GABPA: variants seen among roughly 807,000 people sequenced by gnomAD.
GABPA encodes the protein GA binding protein transcription factor subunit alpha.
GABPA carries 4 observed loss-of-function variants against 59.4 expected under a neutral mutation model. The ratio of observed to expected loss-of-function variants is 0.07; its 90% confidence interval spans 0.03 to 0.15. The LOEUF (loss-of-function observed/expected upper bound fraction) is 0.15. Among genes scored for constraint, GABPA ranks in the 10% least tolerant of loss-of-function variants. The pLI, the probability that GABPA is intolerant of heterozygous loss-of-function variation, is 1.00. For missense variants in GABPA, 251 were observed against 543.8 expected (o/e 0.46, Z 5.36); for synonymous variants, 164 against 183.1 (o/e 0.90, Z 0.84).
chr21:25,764,076 G>A (rs2035831195), intron 7 of GABPA, 134 bp from the exon 8 acceptor site: 2 of 648,708 alleles, frequency 3.1e-6, no homozygotes, highest in Middle Eastern at 4.4e-4. Context: ...TGTGGATTGA[G>A]GCTTTCTGTA....
At chr21:25,738,473 G>A (rs2035137649) in intron 1 of GABPA, among the ~76,000 whole-genome samples, 1 of 152,080 alleles carries the variant, frequency 6.6e-6, no homozygotes, top group Non-Finnish European at 1.5e-5. Flanking sequence ...TCTGTAGCCT[G>A]TCTGTTGAAC....
intron 5 of GABPA, 137 bp from the exon 6 acceptor site, chr21:25,757,869 TTTTG>T: frequency 1.8e-5 from 7 of 388,762 alleles, no homozygotes; most frequent in East Asian, 3.7e-5. Context: ...TTTTTTTTTT[TTTTG>T]CTTCATATAG....
At chr21:25,746,853 G>A (rs2082657701) in intron 3 of GABPA, among the ~76,000 whole-genome samples, 1 of 152,170 alleles carries the variant, frequency 6.6e-6, no homozygotes, top group South Asian at 2.1e-4. Context: ...ATATATGCAT[G>A]AAGATGTTCA....
At chr21:25,767,375 AAAG>A (rs560950555) in intron 9 of GABPA, among the ~76,000 whole-genome samples, 15 of 152,028 alleles carry the variant, frequency 9.9e-5, no homozygotes, top group Non-Finnish European at 1.9e-4. Context: ...GTTTAAAAAA[AAAG>A]AGGGAAGAAA....
At position 25,734,989 on chromosome 21, in the gene GABPA, C is replaced by G. The variant is rs889638263; in HGVS notation, c.-616C>G. 3.2e-6 allele frequency: 5 copies of G among 1,553,104 alleles called. No homozygotes were observed. The South Asian group carries it at 3.5e-5, about 11-fold the overall frequency. ...GCCGTTTCAGTCGGTCGACGCTCAC[C>G]GGACAGGAAGCGTCTCGGAGACAGT... On this transcript the variant is annotated 5_prime_UTR_variant, in exon 1 of 10. Transcript: ENST00000400075.
intron 3 of GABPA, 71 bp from the exon 4 acceptor site, chr21:25,748,965 C>T (rs2059229429): frequency 1.1e-6 from 1 of 929,270 alleles, no homozygotes; most frequent in African/African-American, 1.6e-5. Flanking sequence ...TCCATTTATT[C>T]TAAACCAAAG....
chr21:25,743,600 T>A (rs2035281704), intron 2 of GABPA, among the ~76,000 whole-genome samples: 2 of 150,466 alleles, frequency 1.3e-5, no homozygotes, highest in East Asian at 3.9e-4. Flanking sequence ...TTTTTTTTTT[T>A]AAGAGAAATT....
Position 25,770,454 on chromosome 21 carries a change from G to A in GABPA, c.*1222G>A, listed in dbSNP as rs773723159. ...CATATATGACATTCCTTACATAAGC[G>A]AACACTAAACAAAAATGGCTAGAAA... On this transcript the variant is annotated 3_prime_UTR_variant, in exon 10 of 10. Coordinates refer to ENST00000400075, the MANE Select transcript of GABPA (RefSeq NM_002040.4). 13 of 152,044 alleles carry A rather than the reference G, an allele frequency of 8.6e-5. No individual in the cohort carries two copies. The highest frequency in any genetic ancestry group is 1.9e-4 in the Non-Finnish European group (13 of 67,906). The allele number at this position is 152,044 out of a possible 1,614,324, so 9.4% of individuals were successfully genotyped here.
chr21:25,748,457 A>G (rs1002718548), intron 3 of GABPA, among the ~76,000 whole-genome samples: 1 of 152,230 alleles, frequency 6.6e-6, no homozygotes, highest in Admixed American at 6.5e-5. Context: ...AATGCATTCT[A>G]TAAGGATATA....
intron 3 of GABPA, among the ~76,000 whole-genome samples, chr21:25,746,855 A>G (rs7279566): frequency 0.082 from 12,470 of 152,238 alleles, 587 homozygotes; most frequent in Middle Eastern, 0.15. Context: ...ATATGCATGA[A>G]GATGTTCATG....
intron 3 of GABPA, among the ~76,000 whole-genome samples, chr21:25,747,578 C>A (rs1207876592): frequency 6.6e-6 from 1 of 152,174 alleles, no homozygotes; most frequent in Non-Finnish European, 1.5e-5. Context: ...ACATTTCAGT[C>A]AGAAGTCTTG....
intron 5 of GABPA, among the ~76,000 whole-genome samples, chr21:25,756,229 T>G (rs1437041613): frequency 1.3e-5 from 2 of 152,206 alleles, no homozygotes; most frequent in East Asian, 1.9e-4. Flanking sequence ...AAATTAACTT[T>G]GTTTTTCTTT....
In GABPA at chr21:25,735,048, C is replaced by T. The variant is rs538727472; in HGVS notation, c.-557C>T. The T allele has an allele frequency of 8.6e-5, 115 of 1,329,690 alleles. No homozygotes were observed. In the African/African-American group the frequency reaches 1.3e-3, roughly 15 times the overall value. 82.4% of individuals were successfully genotyped at this position (1,329,690 alleles called of 1,614,324 possible). A position where few individuals can be genotyped will look rare whatever the true frequency, so the allele number is the denominator to read the frequency against. ...GGACGGGTCTAGGTGAGACAGAAGCCAAACAGGAGGAGGAAGTGGAGGGTA... is the reference window on the plus strand; with the variant it reads ...GGACGGGTCTAGGTGAGACAGAAGCTAAACAGGAGGAGGAAGTGGAGGGTA... On this transcript the variant is annotated 5_prime_UTR_variant, in exon 1 of 10. Coordinates refer to ENST00000400075, the MANE Select transcript of GABPA (RefSeq NM_002040.4).
At position 25,769,179 on chromosome 21, in the gene GABPA, G is replaced by C; in HGVS notation, c.1312G>C (p.Val438Leu). 1 of 1,610,612 alleles carries C rather than the reference G, an allele frequency of 6.2e-7. No homozygotes were observed. Among genetic ancestry groups the C allele is most frequent in the Non-Finnish European group, 8.5e-7 (1 of 1,176,986 alleles). The part of the protein sequence containing the change: ...KMQLHGIAQP[V>L]TAVALATASL... ...GCAGCTCCATGGAATTGCCCAGCCAGTCACAGCAGTAGCTCTGGCTACTGC... is the reference window on the plus strand; with the variant it reads ...GCAGCTCCATGGAATTGCCCAGCCACTCACAGCAGTAGCTCTGGCTACTGC... The change falls in exon 10 of 10, where the codon GTC becomes CTC. Residue 438 changes from valine (V) to leucine (L), a missense_variant. Val to Leu is a conservative substitution (Grantham distance 32). Around this residue, in one of 4 missense-constraint regions of GABPA, gnomAD observed 23 missense variants for 60.7 expected, o/e 0.38. Coordinates refer to ENST00000400075, the MANE Select transcript of GABPA (RefSeq NM_002040.4).
intron 2 of GABPA, among the ~76,000 whole-genome samples, chr21:25,744,042 C>CA (rs1182340915): frequency 0.34 from 24,081 of 71,178 alleles, 3,742 homozygotes; most frequent in South Asian, 0.42. Context: ...GACTCTGTCT[C>CA]AAAAAAAAAA....
intron 2 of GABPA, among the ~76,000 whole-genome samples, chr21:25,742,310 A>G (rs71649670): frequency 0.025 from 3,809 of 152,226 alleles, 159 homozygotes; most frequent in African/African-American, 0.087. Context: ...AATGGTCCCT[A>G]TTGTACTCCG....
chr21:25,744,926 T>C (rs1322758724), intron 2 of GABPA, among the ~76,000 whole-genome samples: 1 of 152,188 alleles, frequency 6.6e-6, no homozygotes, highest in East Asian at 1.9e-4. Flanking sequence ...ACATAATGTA[T>C]GTGCAATGTT....
intron 2 of GABPA, among the ~76,000 whole-genome samples, chr21:25,743,407 C>T (rs142780396): frequency 1.3e-5 from 2 of 152,266 alleles, no homozygotes; most frequent in African/African-American, 2.4e-5. Flanking sequence ...TACATGCATG[C>T]ACACAGATGG....
In GABPA at chr21:25,772,392, A is replaced by C. The variant is rs1381776740; in HGVS notation, c.*3160A>C. 1 of 152,072 alleles carries C rather than the reference A, an allele frequency of 6.6e-6. No homozygotes were observed. Among genetic ancestry groups the C allele is most frequent in the Non-Finnish European group, 1.5e-5 (1 of 67,954 alleles). 9.4% of individuals were successfully genotyped at this position (152,072 alleles called of 1,614,324 possible). On this transcript the variant is annotated 3_prime_UTR_variant, in exon 10 of 10. Transcript: ENST00000400075. ...CATAAAACAGTTATTTTCTATTTTT[A>C]CGCAGATAAATATTTGTGCATAAAA...
Sources: gnomAD v4.1 joint callset for allele counts (sites outside exome capture counted in the v4.1 genomes callset) on GRCh38, gnomAD v4.1.1 for gene constraint, gnomAD v4.1.1 regional missense constraint, MANE v1.5 for transcripts, NCBI Gene and HGNC (gene_info 2026-07-23, HGNC 2026-07-21) for gene names.